Variants in LOC128462377 observed in about 807,000 individuals in gnomAD.
the LOC128462377 span, among the ~76,000 whole-genome samples, chr16:89,341,860 C>CA: frequency 6.9e-5 from 10 of 145,666 alleles, no homozygotes; most frequent in African/African-American, 2.5e-4. Context: ...GCACCTCCAC[C>CA]CACAGCGGCC....
chr16:89,393,634 GC>G, the LOC128462377 span, among the ~76,000 whole-genome samples: 1 of 151,910 alleles, frequency 6.6e-6, no homozygotes, highest in African/African-American at 2.4e-5. Flanking sequence ...AAGCCACTGC[GC>G]CCGGCCTAGT....
chr16:89,367,136 C>T, the LOC128462377 span, among the ~76,000 whole-genome samples: 25 of 152,306 alleles, frequency 1.6e-4, no homozygotes, highest in Non-Finnish European at 3.2e-4. Context: ...CTCTCCACCC[C>T]GCACCCATCG....
At chr16:89,407,392 G>C in the LOC128462377 span, among the ~76,000 whole-genome samples, 1 of 152,122 alleles carries the variant, frequency 6.6e-6, no homozygotes, top group Non-Finnish European at 1.5e-5. Context: ...AAAGCAGGAA[G>C]CCCCAGCAAC....
the LOC128462377 span, among the ~76,000 whole-genome samples, chr16:89,399,521 A>T: frequency 6.6e-6 from 1 of 152,138 alleles, no homozygotes. Flanking sequence ...GGACGGAGGG[A>T]TGTGCAGCAG....
the LOC128462377 span, among the ~76,000 whole-genome samples, chr16:89,376,805 A>C: frequency 3.9e-5 from 6 of 152,328 alleles, no homozygotes; most frequent in East Asian, 9.6e-4. Context: ...CTGTAAGAAC[A>C]TTTGTTAGTA....
the LOC128462377 span, among the ~76,000 whole-genome samples, chr16:89,402,509 G>A: frequency 1.0e-3 from 157 of 151,992 alleles, 1 homozygote; most frequent in East Asian, 0.022. Context: ...GGGAGACCCC[G>A]CCTCTAGAAA....
chr16:89,360,660 AACGTCGATGGTCAAC>A, the LOC128462377 span: 1 of 152,188 alleles, frequency 6.6e-6, no homozygotes, highest in Non-Finnish European at 1.5e-5. Flanking sequence ...CGGAACCTAG[AACGTCGATGGTCAAC>A]ACTAGGCAGC....
chr16:89,414,634 G>A, the LOC128462377 span, among the ~76,000 whole-genome samples: 1 of 152,230 alleles, frequency 6.6e-6, no homozygotes, highest in African/African-American at 2.4e-5. Context: ...GTAGGAGACT[G>A]AGGCTCGGAG....
the LOC128462377 span, among the ~76,000 whole-genome samples, chr16:89,372,329 G>A: frequency 3.3e-5 from 5 of 152,258 alleles, no homozygotes; most frequent in South Asian, 4.1e-4. Flanking sequence ...CGACGGATGC[G>A]GCCACCACTG....
chr16:89,369,682 C>T, the LOC128462377 span, among the ~76,000 whole-genome samples: 1 of 152,208 alleles, frequency 6.6e-6, no homozygotes, highest in African/African-American at 2.4e-5. Flanking sequence ...AAGGTCCCGA[C>T]TGTGGGACAC....
At chr16:89,362,302 C>T in the LOC128462377 span, among the ~76,000 whole-genome samples, 1 of 152,216 alleles carries the variant, frequency 6.6e-6, no homozygotes, top group Non-Finnish European at 1.5e-5. Context: ...AAGAGTGCTC[C>T]TCTGTCTGCC....
At chr16:89,379,581 T>C in the LOC128462377 span, among the ~76,000 whole-genome samples, 2 of 152,298 alleles carry the variant, frequency 1.3e-5, no homozygotes, top group East Asian at 3.9e-4. Flanking sequence ...TGGGCTCAAG[T>C]GACACTTCTG....
At chr16:89,327,238 G>T in the LOC128462377 span, among the ~76,000 whole-genome samples, 3 of 152,122 alleles carry the variant, frequency 2.0e-5, no homozygotes, top group Non-Finnish European at 4.4e-5. Flanking sequence ...ATCACAACTG[G>T]TACAGAAAAT....
chr16:89,366,342 C>T, the LOC128462377 span, among the ~76,000 whole-genome samples: 316 of 152,192 alleles, frequency 2.1e-3, 1 homozygote, highest in African/African-American at 7.4e-3. Context: ...TGGGTATATA[C>T]CCAGTAATGA....
At chr16:89,403,313 C>A in the LOC128462377 span, among the ~76,000 whole-genome samples, 3 of 152,192 alleles carry the variant, frequency 2.0e-5, no homozygotes, top group South Asian at 2.1e-4. Context: ...CTGCTCCCCC[C>A]TCCTGACCGG....
At chr16:89,349,352 C>G in the LOC128462377 span, among the ~76,000 whole-genome samples, 8 of 151,600 alleles carry the variant, frequency 5.3e-5, no homozygotes, top group African/African-American at 1.5e-4. Context: ...TGGTGGCGGG[C>G]GCCTGTAGTC....
At chr16:89,416,615 A>C in the LOC128462377 span, among the ~76,000 whole-genome samples, 1 of 151,700 alleles carries the variant, frequency 6.6e-6, no homozygotes, top group Admixed American at 6.6e-5. Context: ...GCTGATTAAT[A>C]ATTTTATTTT....
chr16:89,336,417 T>G, the LOC128462377 span, among the ~76,000 whole-genome samples: 1 of 152,142 alleles, frequency 6.6e-6, no homozygotes, highest in Non-Finnish European at 1.5e-5. Context: ...AAGGAGTCTG[T>G]TTGCTGTGGG....
At chr16:89,407,852 CAAAAAAAA>C in the LOC128462377 span, among the ~76,000 whole-genome samples, 1 of 111,436 alleles carries the variant, frequency 9.0e-6, no homozygotes, top group Non-Finnish European at 1.8e-5. Flanking sequence ...TGTCTCCCTC[CAAAAAAAA>C]AAAAAAAAAA....
Sources: gnomAD v4.1 joint callset for allele counts (sites outside exome capture counted in the v4.1 genomes callset) on GRCh38, gnomAD v4.1.1 for gene constraint, MANE v1.5 for transcripts.